The following ARMC2 variants were observed in gnomAD, a reference collection of about 807,000 sequenced individuals.
ARMC2 encodes armadillo repeat-containing protein 2.
Under a neutral mutation model 90.3 loss-of-function variants are expected in ARMC2, and 67 were observed. The ratio of observed to expected loss-of-function variants is 0.74; its 90% CI spans 0.61 to 0.91. The LOEUF is 0.91. Ranked by LOEUF, ARMC2 falls within the 40% of genes least tolerant of loss-of-function variation. ARMC2 has a pLI of 0.00. For missense variants in ARMC2, 920 were observed against 1,030.9 expected (o/e 0.89, Z 1.47); for synonymous variants, 393 against 393.0 (o/e 1.00, Z 0.00).
intron 3 of ARMC2, among the ~76,000 whole-genome samples, chr6:108,867,549 C>T (rs1483584160): frequency 1.3e-5 from 2 of 151,954 alleles, no homozygotes; most frequent in Admixed American, 1.3e-4. Context: ...GGTGGCTCAC[C>T]TGAGGTCAGG....
intron 17 of ARMC2, among the ~76,000 whole-genome samples, chr6:108,969,770 A>G (rs1441185722): frequency 6.6e-6 from 1 of 152,232 alleles, no homozygotes; most frequent in Non-Finnish European, 1.5e-5. Flanking sequence ...GGCTGAGTGC[A>G]ATGGCTCATG....
intron 12 of ARMC2, among the ~76,000 whole-genome samples, chr6:108,938,163 G>A (rs1373311307): frequency 6.6e-6 from 1 of 152,102 alleles, no homozygotes; most frequent in Non-Finnish European, 1.5e-5. Context: ...ACATCCTATA[G>A]TAAGTTTTGC....
chr6:108,893,566 G>A (rs1431923901), intron 5 of ARMC2, among the ~76,000 whole-genome samples: 1 of 152,218 alleles, frequency 6.6e-6, no homozygotes, highest in African/African-American at 2.4e-5. Context: ...TATTGTAACA[G>A]TGACCCCTTG....
chr6:108,904,104 A>G (rs756464778), intron 7 of ARMC2, 126 bp from the exon 8 acceptor site: 3 of 1,099,444 alleles, frequency 2.7e-6, no homozygotes, highest in Non-Finnish European at 4.0e-6. Context: ...AAAAAAATAG[A>G]GGTCAGGAAT....
Position 108,904,340 on chromosome 6 carries a change from C to G in ARMC2, c.958C>G (p.Leu320Val). The change falls in exon 8 of 18, where the codon CTG becomes GTG. Residue 320 changes from leucine to valine, a missense_variant. Leu to Val is a conservative substitution (Grantham distance 32). Coordinates refer to ENST00000392644, the MANE Select transcript of ARMC2 (RefSeq NM_032131.6). ...FKGRSILLKT[L>V]CKLVDVGSDS... is the part of the protein sequence containing the mutation. ...GGGAAGAAGTATTCTCCTGAAGACC[C>G]TGTGTAAACTAGTTGATGTTGGTTC... The G allele has an allele frequency of 6.2e-7, 1 of 1,613,494 alleles. No individual in the cohort carries two copies. The highest frequency in any genetic ancestry group is 8.5e-7 in the Non-Finnish European group (1 of 1,179,746).
intron 6 of ARMC2, among the ~76,000 whole-genome samples, chr6:108,897,894 A>G (rs1200288944): frequency 2.6e-5 from 4 of 152,166 alleles, no homozygotes; most frequent in Non-Finnish European, 5.9e-5. Flanking sequence ...ATTAATATTA[A>G]AAAATATTAA....
chr6:109,047,318 C>A, the ARMC2 span, among the ~76,000 whole-genome samples: 1 of 129,276 alleles, frequency 7.7e-6, no homozygotes, highest in Non-Finnish European at 1.7e-5. Context: ...CTCTGCCCGG[C>A]CAGCCGCCCC....
chr6:108,928,307 C>G, intron 11 of ARMC2, 74 bp downstream of exon 11: 1 of 1,335,574 alleles, frequency 7.5e-7, no homozygotes, highest in African/African-American at 1.5e-5. Context: ...TTAATATTTG[C>G]TTGTGTGACT....
At chr6:108,945,811 A>G (rs1234413369) in intron 12 of ARMC2, among the ~76,000 whole-genome samples, 2 of 152,344 alleles carry the variant, frequency 1.3e-5, no homozygotes, top group South Asian at 2.1e-4. Context: ...ACAGCCTTTC[A>G]GCATTCCAGA....
the ARMC2 span, chr6:108,987,577 A>AT: frequency 1.9e-6 from 3 of 1,606,478 alleles, no homozygotes; most frequent in Non-Finnish European, 2.6e-6. Flanking sequence ...CTCTCAGAGC[A>AT]TAAAGGAGTT....
chr6:108,887,519 A>C (rs1770485911), intron 5 of ARMC2, among the ~76,000 whole-genome samples: 1 of 152,228 alleles, frequency 6.6e-6, no homozygotes, highest in Admixed American at 6.5e-5. Flanking sequence ...AACTGAGGGA[A>C]GGGCAGAGCT....
the ARMC2 span, among the ~76,000 whole-genome samples, chr6:108,996,691 ACT>A: frequency 6.6e-6 from 1 of 151,764 alleles, no homozygotes; most frequent in Non-Finnish European, 1.5e-5. Context: ...GTGTAAGAAA[ACT>A]CTTTTTTCTT....
chr6:108,859,212 T>G (rs1230238503), intron 3 of ARMC2, among the ~76,000 whole-genome samples: 1 of 152,162 alleles, frequency 6.6e-6, no homozygotes, highest in African/African-American at 2.4e-5. Flanking sequence ...CATGAGGCAT[T>G]CTATGGATTT....
chr6:109,042,891 G>C, the ARMC2 span, among the ~76,000 whole-genome samples: 2 of 151,630 alleles, frequency 1.3e-5, no homozygotes, highest in Non-Finnish European at 2.9e-5. Context: ...ACCAGACAAA[G>C]ACAATACAAA....
At chr6:108,948,919 A>C (rs1776987112) in intron 12 of ARMC2, among the ~76,000 whole-genome samples, 1 of 152,154 alleles carries the variant, frequency 6.6e-6, no homozygotes, top group Admixed American at 6.5e-5. Flanking sequence ...ATCCTGGCAA[A>C]TCAACACGGA....
At chr6:108,936,489 C>T (rs1157284539) in intron 11 of ARMC2, among the ~76,000 whole-genome samples, 2 of 152,208 alleles carry the variant, frequency 1.3e-5, no homozygotes, top group African/African-American at 4.8e-5. Flanking sequence ...CTCCTGACCT[C>T]AAGTGACCCA....
At chr6:108,920,934 T>C (rs913530018) in intron 10 of ARMC2, among the ~76,000 whole-genome samples, 21 of 152,132 alleles carry the variant, frequency 1.4e-4, no homozygotes, top group African/African-American at 4.8e-4. Flanking sequence ...AGGAGTGTTA[T>C]GCTAAAAGAC....
intron 7 of ARMC2, among the ~76,000 whole-genome samples, 164 bp from the exon 8 acceptor site, chr6:108,904,066 A>C (rs748396504): frequency 1.1e-4 from 17 of 152,248 alleles, no homozygotes; most frequent in Non-Finnish European, 2.4e-4. Context: ...GATGAAAAAA[A>C]TCAGGTAGAT....
At chr6:108,928,767 T>C (rs1326498592) in intron 11 of ARMC2, among the ~76,000 whole-genome samples, 1 of 152,210 alleles carries the variant, frequency 6.6e-6, no homozygotes, top group African/African-American at 2.4e-5. Context: ...CAAGATGTTG[T>C]TAAATTTCAG....
Sources: gnomAD v4.1 joint callset for allele counts (sites outside exome capture counted in the v4.1 genomes callset) on GRCh38, gnomAD v4.1.1 for gene constraint, MANE v1.5 for transcripts, NCBI Gene and HGNC (gene_info 2026-07-23, HGNC 2026-07-21) for gene names.